Variants in DOCK1 observed in about 807,000 individuals in gnomAD.
The protein encoded by DOCK1 is dedicator of cytokinesis 1, also known as dedicator of cytokinesis protein 1.
In DOCK1, 138 loss-of-function variants were observed where a neutral mutation model predicts 262.7. The ratio of observed to expected loss-of-function variants is 0.53; its 90% CI spans 0.46 to 0.61. The LOEUF (loss-of-function observed/expected upper bound fraction) is 0.61, where lower values mean the gene tolerates loss of function less well. Ranked by LOEUF, DOCK1 falls within the 20% of genes least tolerant of loss-of-function variation. The probability of loss-of-function intolerance (pLI) is 0.00; values close to 1 mark genes in which losing one functional copy is unlikely to be tolerated. For missense variants in DOCK1, 1,908 were observed against 2,370.7 expected, an observed-to-expected ratio of 0.80 and a Z score of 4.05; for synonymous variants, 866 against 867.4, an observed-to-expected ratio of 1.00 and a Z score of 0.03.
intron 27 of DOCK1, among the ~76,000 whole-genome samples, chr10:127,244,620 A>G (rs1048968151): frequency 3.9e-5 from 6 of 152,156 alleles, no homozygotes; most frequent in African/African-American, 1.2e-4. Flanking sequence ...ATCTTTGATT[A>G]CTAATGAGGT....
At chr10:127,199,697 C>G (rs2057368431) in intron 27 of DOCK1, among the ~76,000 whole-genome samples, 2 of 152,120 alleles carry the variant, frequency 1.3e-5, no homozygotes, top group African/African-American at 4.8e-5. Context: ...TACTCGTTGC[C>G]CGGGACCACA....
chr10:127,113,417 A>G (rs993623349), intron 25 of DOCK1, among the ~76,000 whole-genome samples: 2 of 152,150 alleles, frequency 1.3e-5, no homozygotes, highest in Non-Finnish European at 2.9e-5. Flanking sequence ...TGCCTTACTC[A>G]CTGAAAGAGA....
chr10:127,273,045 A>G (rs780663296), intron 29 of DOCK1, among the ~76,000 whole-genome samples: 8 of 152,214 alleles, frequency 5.3e-5, no homozygotes, highest in Non-Finnish European at 1.0e-4. Context: ...TTGGGTGGGG[A>G]CACAGCCAAA....
chr10:127,147,750 TG>T (rs1377672245), intron 27 of DOCK1, among the ~76,000 whole-genome samples: 2 of 152,076 alleles, frequency 1.3e-5, no homozygotes, highest in Non-Finnish European at 2.9e-5. Flanking sequence ...CACCTGTCCT[TG>T]TCTGGGCACG....
chr10:127,384,951 T>A, intron 38 of DOCK1, 42 bp downstream of exon 38: 1 of 1,528,596 alleles, frequency 6.5e-7, no homozygotes, highest in African/African-American at 1.4e-5. Flanking sequence ...CCTCTTTCCA[T>A]GCACCTACCT....
chr10:126,982,111 GAGA>G, intron 4 of DOCK1, 138 bp downstream of exon 4: 2 of 864,864 alleles, frequency 2.3e-6, no homozygotes, highest in Non-Finnish European at 1.8e-6. Context: ...GTTTTGGGGA[GAGA>G]AAGGGGACTT....
At chr10:127,146,789 G>A (rs2051902151) in intron 27 of DOCK1, among the ~76,000 whole-genome samples, 1 of 152,200 alleles carries the variant, frequency 6.6e-6, no homozygotes, top group Admixed American at 6.5e-5. Flanking sequence ...GACAAAGGCT[G>A]CAGAGACTCC....
chr10:127,292,544 G>A (rs1266939614), intron 29 of DOCK1, among the ~76,000 whole-genome samples: 1 of 152,116 alleles, frequency 6.6e-6, no homozygotes, highest in Non-Finnish European at 1.5e-5. Context: ...GGGGCCTTGG[G>A]GCTGTGGAGT....
At chr10:127,214,243 TC>T in intron 27 of DOCK1, among the ~76,000 whole-genome samples, 1 of 152,268 alleles carries the variant, frequency 6.6e-6, no homozygotes, top group South Asian at 2.1e-4. Context: ...CTGTAATGCT[TC>T]CCGCTCCAGT....
intron 32 of DOCK1, among the ~76,000 whole-genome samples, chr10:127,359,433 T>TTTA (rs1489931606): frequency 5.9e-5 from 9 of 152,152 alleles, no homozygotes; most frequent in Admixed American, 3.3e-4. Flanking sequence ...CAGACAGAAC[T>TTTA]TTATGACGCT....
At chr10:127,324,406 G>T (rs572966650) in intron 29 of DOCK1, among the ~76,000 whole-genome samples, 1 of 152,322 alleles carries the variant, frequency 6.6e-6, no homozygotes, top group Admixed American at 6.5e-5. Flanking sequence ...AGGGCAGATG[G>T]AGAAGACAGC....
chr10:127,402,184 A>G (rs778811651), intron 38 of DOCK1, among the ~76,000 whole-genome samples: 16 of 152,152 alleles, frequency 1.1e-4, no homozygotes, highest in Non-Finnish European at 5.9e-5. Flanking sequence ...TTCTCTGAGG[A>G]GGAATGACAA....
chr10:127,184,611 C>T (rs1455406990), intron 27 of DOCK1, among the ~76,000 whole-genome samples: 2 of 151,914 alleles, frequency 1.3e-5, no homozygotes, highest in African/African-American at 2.4e-5. Context: ...ATAAGATCAT[C>T]TATACTTTTT....
At chr10:126,946,026 A>C (rs970925305) in intron 1 of DOCK1, among the ~76,000 whole-genome samples, 11 of 152,248 alleles carry the variant, frequency 7.2e-5, no homozygotes, top group African/African-American at 2.7e-4. Context: ...GCAGTTACTC[A>C]CATACCATGC....
intron 23 of DOCK1, among the ~76,000 whole-genome samples, chr10:127,098,326 T>C (rs2048027526): frequency 6.6e-6 from 1 of 152,220 alleles, no homozygotes; most frequent in South Asian, 2.1e-4. Flanking sequence ...ACAATGAAGA[T>C]GGCACTTTAC....
chr10:127,372,428 G>T (rs1325517815), intron 33 of DOCK1, among the ~76,000 whole-genome samples: 1 of 152,200 alleles, frequency 6.6e-6, no homozygotes, highest in Non-Finnish European at 1.5e-5. Context: ...TGCAGGTTGT[G>T]ATTTATCAAC....
intron 27 of DOCK1, among the ~76,000 whole-genome samples, chr10:127,156,873 T>C (rs536734148): frequency 2.6e-5 from 4 of 152,200 alleles, no homozygotes; most frequent in Non-Finnish European, 4.4e-5. Context: ...TGGCCCGAGA[T>C]ATTGCTCTTC....
At chr10:126,959,590 G>C (rs984620070) in intron 1 of DOCK1, among the ~76,000 whole-genome samples, 108 of 152,304 alleles carry the variant, frequency 7.1e-4, no homozygotes, top group Middle Eastern at 3.4e-3. Flanking sequence ...ATCTTCCCCA[G>C]GTGGGCCCTG....
At chr10:127,406,117 G>A (rs926516678) in intron 40 of DOCK1, among the ~76,000 whole-genome samples, 5 of 152,160 alleles carry the variant, frequency 3.3e-5, no homozygotes. Context: ...AAGCCATGCA[G>A]CCTTGTGCAG....
Sources: gnomAD v4.1 joint callset for allele counts (sites outside exome capture counted in the v4.1 genomes callset) on GRCh38, gnomAD v4.1.1 for gene constraint, MANE v1.5 for transcripts, NCBI Gene and HGNC (gene_info 2026-07-23, HGNC 2026-07-21) for gene names.